SLC2A14: variants seen among roughly 807,000 people sequenced by gnomAD.
The protein encoded by SLC2A14 is solute carrier family 2 member 14, also known as solute carrier family 2, facilitated glucose transporter member 14.
A neutral mutation model predicts 43.0 loss-of-function variants in SLC2A14; 13 were observed. That is an observed-to-expected ratio of 0.30 (90% CI 0.20 to 0.48). The LOEUF is 0.48. Among genes scored for constraint, SLC2A14 ranks in the 20% least tolerant of loss-of-function variants. The pLI is 0.99. For synonymous variants in SLC2A14, 190 were observed against 233.8 expected, an observed-to-expected ratio of 0.81 and a Z score of 1.71; for missense variants, 428 against 620.4, an observed-to-expected ratio of 0.69 and a Z score of 3.29.
chr12:7,824,205 G>A (rs1015008349), intron 7 of SLC2A14, among the ~76,000 whole-genome samples: 4 of 152,046 alleles, frequency 2.6e-5, no homozygotes, highest in South Asian at 2.1e-4. Context: ...GCAGTGAGCC[G>A]AGATCGAGCC....
intron 7 of SLC2A14, among the ~76,000 whole-genome samples, chr12:7,823,868 G>A (rs1440142911): frequency 6.6e-6 from 1 of 152,104 alleles, no homozygotes; most frequent in Admixed American, 6.6e-5. Context: ...TTGATAATAT[G>A]GACCTCTACA....
At chr12:7,883,590 C>CTTTTTTTTTTTTTTT in intron 1 of SLC2A14, among the ~76,000 whole-genome samples, 1 of 95,214 alleles carries the variant, frequency 1.1e-5, no homozygotes, top group Non-Finnish European at 2.0e-5. Context: ...TTTTTCTTTT[C>CTTTTTTTTTTTTTTT]TTTTTTTTTT....
At chr12:7,883,557 C>G (rs1011220698) in intron 1 of SLC2A14, among the ~76,000 whole-genome samples, 4 of 149,944 alleles carry the variant, frequency 2.7e-5, no homozygotes, top group Admixed American at 6.7e-5. Flanking sequence ...TGAGCCACCA[C>G]GCCCGGCCTC....
At chr12:7,887,815 A>G (rs954086796) in intron 1 of SLC2A14, among the ~76,000 whole-genome samples, 5 of 152,110 alleles carry the variant, frequency 3.3e-5, no homozygotes, top group Non-Finnish European at 7.4e-5. Flanking sequence ...GCCTTCCTAT[A>G]ATCTAGTCCC....
chr12:7,880,914 T>TG lies in SLC2A14; in HGVS notation c.132+10081dup, dbSNP rs950511092. On this transcript the variant is annotated intron_variant, in intron 1 of 9. Coordinates refer to the SLC2A14 transcript ENST00000539924. ...CAGCACTTTGCCAGGCTGAGGCGGG[T>TG]GGATCATCTGAGGTCAAGAGTTCGA... is the stretch of plus-strand genomic sequence containing the variant. Among the ~76,000 whole-genome samples, 945 of 151,484 alleles carry TG rather than the reference T, an allele frequency of 6.2e-3. 10 individuals carry two copies. Among genetic ancestry groups the TG allele is most frequent in the African/African-American group, 0.022 (892 of 41,296 alleles).
At chr12:7,822,896 C>T (rs976731183) in intron 7 of SLC2A14, among the ~76,000 whole-genome samples, 27 of 152,260 alleles carry the variant, frequency 1.8e-4, no homozygotes, top group African/African-American at 6.3e-4. Flanking sequence ...CTGATAGGCA[C>T]ATTGATGTCT....
chr12:7,878,738 G>C (rs1254257125), intron 1 of SLC2A14, among the ~76,000 whole-genome samples: 1 of 151,606 alleles, frequency 6.6e-6, no homozygotes, highest in Non-Finnish European at 1.5e-5. Context: ...CAGCACTTTC[G>C]GAGGCCAAGG....
At chr12:7,854,492 G>A (rs1867192592) in intron 2 of SLC2A14, among the ~76,000 whole-genome samples, 1 of 151,914 alleles carries the variant, frequency 6.6e-6, no homozygotes, top group Admixed American at 6.6e-5. Flanking sequence ...TTTTTTGTTT[G>A]TTTGTTTGCT....
chr12:7,870,763 CAAAT>C lies in SLC2A14; in HGVS notation c.-57-830_-57-827del, dbSNP rs56807031. 2.0e-3 allele frequency: 1,488 copies of C among 745,328 alleles called. 15 individuals are homozygous for C. In the African/African-American group the frequency reaches 0.026, roughly 13 times the overall value. 46.2% of individuals were successfully genotyped at this position (745,328 alleles called of 1,614,324 possible). A position where few individuals can be genotyped will look rare whatever the true frequency, so the allele number is the denominator to read the frequency against. On this transcript the variant is annotated intron_variant, in intron 1 of 10. Coordinates refer to ENST00000431042, the MANE Select transcript of SLC2A14 (RefSeq NM_001286234.2). Reference sequence around the variant, plus strand: ...AAAAAACCTCAGAACTCTTTTAACTCAAATAAATATACTTTTCAAAAAAAGTAAA... The same window carrying C: ...AAAAAACCTCAGAACTCTTTTAACTCAAATATACTTTTCAAAAAAAGTAAA...
At chr12:7,883,267 T>C (rs113087864) in intron 1 of SLC2A14, among the ~76,000 whole-genome samples, 8,319 of 59,088 alleles carry the variant, frequency 0.14, 188 homozygotes, top group Non-Finnish European at 0.2. Flanking sequence ...TTCTTTCTTT[T>C]TTTTTTTTTT....
chr12:7,828,610 G>C, intron 6 of SLC2A14, 94 bp downstream of exon 6: 2 of 1,324,628 alleles, frequency 1.5e-6, no homozygotes, highest in Non-Finnish European at 2.1e-6. Flanking sequence ...TGACGGGCAG[G>C]GAAAGGGTAC....
In SLC2A14 at chr12:7,824,856, G is replaced by A. The variant is rs374321153; in HGVS notation, c.864+2639C>T. 9.0e-4 allele frequency among the ~76,000 whole-genome samples: 137 copies of A among 151,928 alleles called. 1 individual carries two copies. Among genetic ancestry groups the A allele is most frequent in the African/African-American group, 3.1e-3 (130 of 41,458 alleles). On this transcript the variant is annotated intron_variant, in intron 7 of 10. Transcript: ENST00000431042. ...TTTAGATGGTGCATCCACCACGCCCGGCTAATTTTTATATTTTTAGTAGAG... is the reference window on the plus strand; with the variant it reads ...TTTAGATGGTGCATCCACCACGCCCAGCTAATTTTTATATTTTTAGTAGAG...
At position 7,870,043 on chromosome 12, in the gene SLC2A14, C is replaced by T. The variant is rs191374570; in HGVS notation, c.-57-106G>A. 42 of 552,362 alleles carry T rather than the reference C, an allele frequency of 7.6e-5. No individual in the cohort carries two copies. In the Admixed American group the frequency reaches 9.1e-4, roughly 12 times the overall value. 34.2% of individuals were successfully genotyped at this position (552,362 alleles called of 1,614,324 possible). ...TCGCCAATGGACACTCCAATAAATA[C>T]TTCTGGAAGAAAAGTGAAAATTTAT... On this transcript the variant is annotated intron_variant, in intron 1 of 10. Transcript: ENST00000431042.
At position 7,812,990 on chromosome 12, in the gene SLC2A14, G is replaced by T. The variant is rs1863158338; in HGVS notation, c.*1326C>A. The T allele has an allele frequency of 6.6e-6, 1 of 151,938 alleles. No homozygotes were observed. Among genetic ancestry groups the T allele is most frequent in the Non-Finnish European group, 1.5e-5 (1 of 67,998 alleles). 9.4% of individuals were successfully genotyped at this position (151,938 alleles called of 1,614,324 possible). A position where few individuals can be genotyped will look rare whatever the true frequency, so the allele number is the denominator to read the frequency against. On this transcript the variant is annotated 3_prime_UTR_variant, in exon 11 of 11. Transcript: ENST00000431042. ...CATTGACTCATACTGTCTAAACCTG[G>T]TTTATTGGAAAGATTCAAGTCCCCT...
intron 1 of SLC2A14, among the ~76,000 whole-genome samples, chr12:7,881,224 T>G (rs1397307783): frequency 3.3e-5 from 5 of 152,128 alleles, no homozygotes; most frequent in Non-Finnish European, 5.9e-5. Flanking sequence ...TGGGAGCCCC[T>G]TCCTGGGCTG....
At chr12:7,883,845 ACT>A (rs1945638486) in intron 1 of SLC2A14, among the ~76,000 whole-genome samples, 1 of 151,028 alleles carries the variant, frequency 6.6e-6, no homozygotes, top group African/African-American at 2.4e-5. Context: ...GGCCTCCCAA[ACT>A]GCTGGGATTA....
intron 5 of SLC2A14, 46 bp from the exon 6 acceptor site, chr12:7,828,912 G>GGTTTATA (rs1565514019): frequency 6.3e-7 from 1 of 1,584,380 alleles, no homozygotes; most frequent in Non-Finnish European, 8.6e-7. Context: ...TACTTCACAG[G>GGTTTATA]CCACAAGTTC....
rs763135923 is a variant in SLC2A14 at position 7,821,383 on chromosome 12, C to A, written c.865-58G>T. 6 of 1,468,434 alleles carry A rather than the reference C, an allele frequency of 4.1e-6. No individual in the cohort carries two copies. In the African/African-American group the frequency reaches 5.6e-5, roughly 14 times the overall value. The allele number at this position is 1,468,434 out of a possible 1,614,324, so 91.0% of individuals were successfully genotyped here. On this transcript the variant is annotated intron_variant, in intron 7 of 10. Transcript: ENST00000431042. ...AATTCTGCACACCACTTACACAGAA[C>A]CCTCAAAAAATACTTAAGGCTGAGC...
chr12:7,848,556 ATTT>A (rs35632480), intron 2 of SLC2A14, among the ~76,000 whole-genome samples: 8 of 135,730 alleles, frequency 5.9e-5, no homozygotes, highest in Non-Finnish European at 8.0e-5. Context: ...TTCCAATTCC[ATTT>A]TTTTTTTTTT....
Sources: gnomAD v4.1 joint callset for allele counts (sites outside exome capture counted in the v4.1 genomes callset) on GRCh38, gnomAD v4.1.1 for gene constraint, MANE v1.5 for transcripts, NCBI Gene and HGNC (gene_info 2026-07-23, HGNC 2026-07-21) for gene names.